The following WWP1 variants were observed in gnomAD, a reference collection of about 807,000 sequenced individuals.
WWP1 encodes the protein NEDD4-like E3 ubiquitin-protein ligase WWP1.
WWP1 carries 49 observed loss-of-function variants against 130.6 expected under a neutral mutation model. That is an observed-to-expected ratio of 0.38 (90% CI 0.30 to 0.48). The LOEUF is 0.48. WWP1 is among the 20% of genes least tolerant of loss of function. The pLI is 0.99. For synonymous variants in WWP1, 332 were observed against 367.8 expected, an observed-to-expected ratio of 0.90 and a Z score of 1.11; for missense variants, 809 against 1,100.6, an observed-to-expected ratio of 0.74 and a Z score of 3.75.
intron 8 of WWP1, among the ~76,000 whole-genome samples, chr8:86,403,391 G>T (rs1355563856): frequency 6.6e-6 from 1 of 152,174 alleles, no homozygotes; most frequent in Admixed American, 6.5e-5. Context: ...TGCCTCCTGG[G>T]TTTAAGAGAT....
intron 5 of WWP1, among the ~76,000 whole-genome samples, chr8:86,383,558 A>G (rs367767843): frequency 5.3e-5 from 8 of 152,266 alleles, no homozygotes; most frequent in African/African-American, 1.9e-4. Context: ...CCTGGCCAAC[A>G]TGGTGAGACC....
chr8:86,391,491 C>A (rs1431072728), intron 5 of WWP1, among the ~76,000 whole-genome samples: 1 of 149,338 alleles, frequency 6.7e-6, no homozygotes, highest in East Asian at 2.0e-4. Flanking sequence ...GTCAGCCTCA[C>A]TATTTCTTAA....
chr8:86,445,397 C>T (rs558678827), intron 18 of WWP1, among the ~76,000 whole-genome samples: 58 of 152,198 alleles, frequency 3.8e-4, no homozygotes, highest in African/African-American at 1.3e-3. Flanking sequence ...TATTTATGTC[C>T]ATGTGTGCCC....
intron 11 of WWP1, 37 bp from the exon 12 acceptor site, chr8:86,430,660 T>G: frequency 6.5e-7 from 1 of 1,542,864 alleles, no homozygotes; most frequent in Non-Finnish European, 8.8e-7. Context: ...TAAAACACTG[T>G]TATTTTATTT....
intron 1 of WWP1, among the ~76,000 whole-genome samples, chr8:86,367,515 A>G (rs1025580316): frequency 2.0e-5 from 3 of 152,196 alleles, no homozygotes; most frequent in African/African-American, 7.2e-5. Context: ...AGAGTACTGG[A>G]AATGTCGTTT....
chr8:86,356,452 T>A (rs1823264739), intron 1 of WWP1, among the ~76,000 whole-genome samples: 1 of 150,942 alleles, frequency 6.6e-6, no homozygotes, highest in African/African-American at 2.4e-5. Flanking sequence ...TATATATATT[T>A]TTTTTTACTG....
At chr8:86,414,298 C>T (rs1190398148) in intron 9 of WWP1, among the ~76,000 whole-genome samples, 1 of 151,798 alleles carries the variant, frequency 6.6e-6, no homozygotes, top group East Asian at 1.9e-4. Flanking sequence ...ATCTGGTATA[C>T]ACAGAGATAT....
chr8:86,449,997 C>T (rs1811088314), intron 20 of WWP1, among the ~76,000 whole-genome samples: 1 of 152,188 alleles, frequency 6.6e-6, no homozygotes, highest in South Asian at 2.1e-4. Flanking sequence ...CTTCCTTAAG[C>T]ATGAATCCAT....
At chr8:86,439,588 C>A (rs778945934) in intron 17 of WWP1, among the ~76,000 whole-genome samples, 8 of 152,090 alleles carry the variant, frequency 5.3e-5, no homozygotes, top group Non-Finnish European at 8.8e-5. Context: ...TTATTTTTTG[C>A]TATTGTAAGT....
intron 5 of WWP1, among the ~76,000 whole-genome samples, chr8:86,382,830 T>C (rs2130374737): frequency 6.6e-6 from 1 of 152,376 alleles, no homozygotes; most frequent in South Asian, 2.1e-4. Context: ...AAAAATAGGC[T>C]CTTGCTCAAA....
At chr8:86,389,834 T>C (rs1825528215) in intron 5 of WWP1, among the ~76,000 whole-genome samples, 1 of 146,424 alleles carries the variant, frequency 6.8e-6, no homozygotes, top group Non-Finnish European at 1.5e-5. Context: ...GGGTGGGGGC[T>C]GCCCCCCACC....
At chr8:86,373,674 A>G (rs1467474901) in intron 2 of WWP1, among the ~76,000 whole-genome samples, 1 of 152,092 alleles carries the variant, frequency 6.6e-6, no homozygotes, top group Non-Finnish European at 1.5e-5. Flanking sequence ...GTACTTTCCT[A>G]AAACATACGT....
At chr8:86,423,177 T>C (rs554565446) in intron 9 of WWP1, among the ~76,000 whole-genome samples, 2 of 151,734 alleles carry the variant, frequency 1.3e-5, no homozygotes, top group South Asian at 4.2e-4. Flanking sequence ...TAGATAAATA[T>C]CAAATGTCAG....
At chr8:86,424,847 G>GGGGAGT (rs374831543) in intron 9 of WWP1, among the ~76,000 whole-genome samples, 3 of 54,858 alleles carry the variant, frequency 5.5e-5, no homozygotes, top group Non-Finnish European at 9.8e-5. Context: ...GGGGAGGGGA[G>GGGGAGT]GGGAGGGGGA....
At chr8:86,407,435 G>A (rs1314057437) in intron 8 of WWP1, among the ~76,000 whole-genome samples, 1 of 152,084 alleles carries the variant, frequency 6.6e-6, no homozygotes, top group Non-Finnish European at 1.5e-5. Flanking sequence ...GCTGTCCTGT[G>A]CATTATATTA....
intron 9 of WWP1, among the ~76,000 whole-genome samples, chr8:86,417,630 A>C (rs756251352): frequency 1.3e-5 from 2 of 152,222 alleles, no homozygotes; most frequent in Non-Finnish European, 2.9e-5. Flanking sequence ...CTTGAAGTTA[A>C]CTCAGGATAA....
chr8:86,464,912 T>G (rs1811960593), intron 24 of WWP1, among the ~76,000 whole-genome samples: 1 of 137,668 alleles, frequency 7.3e-6, no homozygotes, highest in Non-Finnish European at 1.6e-5. Flanking sequence ...TATACACACA[T>G]GCGCGCGCGT....
chr8:86,347,363 T>C (rs527726818), intron 1 of WWP1, among the ~76,000 whole-genome samples: 2 of 152,328 alleles, frequency 1.3e-5, no homozygotes, highest in South Asian at 4.1e-4. Flanking sequence ...ATGTGGCTAG[T>C]TAGTGGCCAC....
intron 1 of WWP1, among the ~76,000 whole-genome samples, chr8:86,361,622 C>T (rs1217629808): frequency 6.6e-6 from 1 of 152,114 alleles, no homozygotes; most frequent in Non-Finnish European, 1.5e-5. Flanking sequence ...TTAGTCATCT[C>T]ACCTCTCTGG....
Sources: allele counts gnomAD v4.1 joint callset (sites outside exome capture counted in the v4.1 genomes callset), GRCh38; gene constraint gnomAD v4.1.1; transcripts MANE v1.5; gene names NCBI Gene and HGNC (gene_info 2026-07-23, HGNC 2026-07-21).